The following ATAD1 variants were observed in gnomAD, a reference collection of about 807,000 sequenced individuals.
ATAD1 encodes the protein ATPase family AAA domain containing 1.
In ATAD1, 18 loss-of-function variants were observed where a neutral mutation model predicts 42.7. The ratio of observed to expected loss-of-function variants is 0.42; its 90% CI spans 0.29 to 0.63. The LOEUF is 0.63. Among genes scored for constraint, ATAD1 ranks in the 20% least tolerant of loss-of-function variants. The pLI, the probability that ATAD1 is intolerant of heterozygous loss-of-function variation, is 0.19. For missense variants in ATAD1, 294 were observed against 440.4 expected (o/e 0.67, Z 2.98); for synonymous variants, 132 against 143.1 (o/e 0.92, Z 0.55).
At chr10:87,835,680 C>T (rs1207859181) in intron 1 of ATAD1, among the ~76,000 whole-genome samples, 1 of 151,986 alleles carries the variant, frequency 6.6e-6, no homozygotes, top group African/African-American at 2.4e-5. Flanking sequence ...TTTAGGCCTA[C>T]CATTTTATTT....
chr10:87,764,619 C>G (rs150803778), intron 8 of ATAD1, among the ~76,000 whole-genome samples: 1 of 152,308 alleles, frequency 6.6e-6, no homozygotes, highest in East Asian at 1.9e-4. Flanking sequence ...TATTATGTTT[C>G]TCCTGATGGA....
intron 1 of ATAD1, among the ~76,000 whole-genome samples, chr10:87,824,934 A>G (rs1453340212): frequency 1.3e-5 from 2 of 152,228 alleles, no homozygotes; most frequent in Admixed American, 6.5e-5. Flanking sequence ...CAAAGATAAT[A>G]AAGTTTAACG....
intron 1 of ATAD1, among the ~76,000 whole-genome samples, chr10:87,825,257 T>A (rs1277171025): frequency 6.6e-6 from 1 of 152,200 alleles, no homozygotes; most frequent in South Asian, 2.1e-4. Flanking sequence ...AGCCTTGAGA[T>A]TTGAGAAGTC....
chr10:87,794,949 T>C (rs1856311149), intron 2 of ATAD1, among the ~76,000 whole-genome samples: 2 of 152,138 alleles, frequency 1.3e-5, no homozygotes, highest in African/African-American at 4.8e-5. Context: ...TCACAATATA[T>C]CATTAAAAGA....
chr10:87,831,323 C>A (rs564156476), intron 1 of ATAD1, among the ~76,000 whole-genome samples: 4 of 151,942 alleles, frequency 2.6e-5, no homozygotes, highest in Admixed American at 1.3e-4. Context: ...TTCAGTGTTA[C>A]GTCTTCCCTT....
upstream of ATAD1, chr10:87,818,911 C>A (rs1250910362): frequency 2.0e-5 from 3 of 152,316 alleles, no homozygotes; most frequent in African/African-American, 7.2e-5. Context: ...GAACGAGCGA[C>A]GTGACACAAG....
intron 8 of ATAD1, among the ~76,000 whole-genome samples, chr10:87,766,908 T>C (rs1323844914): frequency 6.6e-6 from 1 of 152,076 alleles, no homozygotes; most frequent in Non-Finnish European, 1.5e-5. Context: ...TTTTGAAACA[T>C]GTGACCAAAA....
At chr10:87,825,149 C>G (rs1379617044) in intron 1 of ATAD1, among the ~76,000 whole-genome samples, 1 of 152,026 alleles carries the variant, frequency 6.6e-6, no homozygotes, top group Non-Finnish European at 1.5e-5. Context: ...CCCTATATTT[C>G]ATTCCTTCAT....
chr10:87,817,885 C>T (rs1267564066), intron 1 of ATAD1: 10 of 985,426 alleles, frequency 1.0e-5, no homozygotes, highest in Non-Finnish European at 1.2e-5. Context: ...AGGATGCCGA[C>T]AAAGATTCCC....
chr10:87,818,586 C>T (rs1857543809), upstream of ATAD1: 1 of 152,316 alleles, frequency 6.6e-6, no homozygotes, highest in Non-Finnish European at 1.5e-5. Flanking sequence ...TACATTCTCT[C>T]CTTCCCACCA....
intron 1 of ATAD1, among the ~76,000 whole-genome samples, chr10:87,823,401 A>G (rs1262572893): frequency 6.6e-6 from 1 of 152,174 alleles, no homozygotes; most frequent in Non-Finnish European, 1.5e-5. Context: ...AAATGATACT[A>G]TCTGTGAAAA....
intron 8 of ATAD1, among the ~76,000 whole-genome samples, chr10:87,764,088 C>G (rs1854621263): frequency 6.6e-6 from 1 of 151,710 alleles, no homozygotes; most frequent in Non-Finnish European, 1.5e-5. Flanking sequence ...CACGAAAGAC[C>G]AAGACCTGAA....
At chr10:87,794,999 A>G (rs978143484) in intron 2 of ATAD1, among the ~76,000 whole-genome samples, 5 of 152,196 alleles carry the variant, frequency 3.3e-5, no homozygotes, top group Middle Eastern at 3.2e-3. Context: ...AGCACCTACC[A>G]TATCTAGCAC....
At chr10:87,765,305 T>C (rs989558343) in intron 8 of ATAD1, among the ~76,000 whole-genome samples, 21 of 152,136 alleles carry the variant, frequency 1.4e-4, no homozygotes, top group Non-Finnish European at 2.9e-4. Context: ...CAGTGAGTTG[T>C]AACAGTGAGT....
At position 87,756,798 on chromosome 10, in the gene ATAD1, G is replaced by A. The variant is rs770672764; in HGVS notation, c.956C>T (p.Ser319Leu). 6.9e-6 allele frequency: 11 copies of A among 1,600,750 alleles called. No individual in the cohort carries two copies. The highest frequency in any genetic ancestry group is 9.4e-6 in the Non-Finnish European group (11 of 1,174,976). ...LCVREYVNST[S>L]EESHDEDEIR... ...AGTCAAAATAACATACCTTTCTTCT[G>A]ATGTAGAATTAACATATTCTCTAAC... Residue 319 changes from serine to leucine, a missense_variant, in exon 9 of 10, where the codon TCA (serine) becomes TTA (leucine). Around this residue, in one of 3 missense-constraint regions of ATAD1, gnomAD observed 142 missense variants for 174.6 expected, o/e 0.81. Coordinates refer to ENST00000680024, the MANE Select transcript of ATAD1 (RefSeq NM_001321967.2).
chr10:87,766,284 T>G (rs1252253023), intron 8 of ATAD1, among the ~76,000 whole-genome samples: 2 of 152,142 alleles, frequency 1.3e-5, no homozygotes, highest in African/African-American at 4.8e-5. Context: ...AAGTATGAAA[T>G]GACATACACA....
chr10:87,791,723 T>C (rs1856128911), intron 3 of ATAD1, among the ~76,000 whole-genome samples: 1 of 152,226 alleles, frequency 6.6e-6, no homozygotes, highest in Admixed American at 6.5e-5. Flanking sequence ...ATTAGGCAAA[T>C]ATTTTCTATT....
In ATAD1 at chr10:87,752,220, T is replaced by A. The variant is rs1415867243; in HGVS notation, c.*2467A>T. 6.6e-6 allele frequency: 1 copy of A among 152,142 alleles called. No individual in the cohort carries two copies. Among genetic ancestry groups the A allele is most frequent in the Non-Finnish European group, 1.5e-5 (1 of 68,026 alleles). The allele number at this position is 152,142 out of a possible 1,614,324, so 9.4% of individuals were successfully genotyped here. A position where few individuals can be genotyped will look rare whatever the true frequency, so the allele number is the denominator to read the frequency against. On this transcript the variant is annotated 3_prime_UTR_variant, in exon 10 of 10. Transcript: ENST00000680024. ...AGGCCTGAGAATAGCTTGAGACACA[T>A]CAGACTTATCAAAAGTCTTCCAGCA...
At position 87,751,610 on chromosome 10, in the gene ATAD1, TAA is replaced by T. The variant is rs1054500308; in HGVS notation, c.*3075_*3076del. On this transcript the variant is annotated 3_prime_UTR_variant, in exon 10 of 10. Transcript: ENST00000680024. ...CAGAATGTTTTCCTATACATGTAAA[TAA>T]AGAGAACTTTAGCTTTAAAAAAAAG... 6.6e-6 allele frequency: 1 copy of T among 152,140 alleles called. No homozygotes were observed. Among genetic ancestry groups the T allele is most frequent in the African/African-American group, 2.4e-5 (1 of 41,424 alleles). 9.4% of individuals were successfully genotyped at this position (152,140 alleles called of 1,614,324 possible). A position where few individuals can be genotyped will look rare whatever the true frequency, so the allele number is the denominator to read the frequency against.
Sources: gnomAD v4.1 joint callset for allele counts (sites outside exome capture counted in the v4.1 genomes callset) on GRCh38, gnomAD v4.1.1 for gene constraint, gnomAD v4.1.1 regional missense constraint, MANE v1.5 for transcripts, NCBI Gene and HGNC (gene_info 2026-07-23, HGNC 2026-07-21) for gene names.